JCAD: variants seen among roughly 807,000 people sequenced by gnomAD.
The protein encoded by JCAD is junctional cadherin 5-associated protein.
JCAD carries 40 observed loss-of-function variants against 98.0 expected under a neutral mutation model. That is an observed-to-expected ratio of 0.41 (90% confidence interval 0.32 to 0.53). JCAD has a LOEUF of 0.53. Ranked by LOEUF, JCAD falls within the 20% of genes least tolerant of loss-of-function variation. The pLI, the probability that JCAD is intolerant of heterozygous loss-of-function variation, is 0.31. For synonymous variants in JCAD, 691 were observed against 682.3 expected (o/e 1.01, Z -0.20); for missense variants, 1,705 against 1,738.1 (o/e 0.98, Z 0.34).
At chr10:30,111,467 T>C (rs12266240) in intron 1 of JCAD, among the ~76,000 whole-genome samples, 12,504 of 152,192 alleles carry the variant, frequency 0.082, 628 homozygotes, top group African/African-American at 0.13. Flanking sequence ...ACATATTGAG[T>C]TCCCACAGTG....
chr10:30,039,347 G>A (rs1837192900), intron 2 of JCAD, among the ~76,000 whole-genome samples: 1 of 152,228 alleles, frequency 6.6e-6, no homozygotes, highest in Non-Finnish European at 1.5e-5. Context: ...ACTGCACGCA[G>A]GGCAGACACT....
intron 1 of JCAD, among the ~76,000 whole-genome samples, chr10:30,082,875 A>C (rs1391866865): frequency 7.3e-4 from 107 of 146,088 alleles, no homozygotes; most frequent in African/African-American, 2.5e-3. Flanking sequence ...AAAAAAAAAA[A>C]AACAAAAAAT....
intron 3 of JCAD, among the ~76,000 whole-genome samples, chr10:30,025,716 C>T (rs188444089): frequency 1.4e-3 from 205 of 151,736 alleles, no homozygotes; most frequent in African/African-American, 4.5e-3. Flanking sequence ...AGTGGGATCT[C>T]GTCTCTATAA....
At chr10:30,068,390 CAAAAAAA>C (rs34060997) in intron 2 of JCAD, among the ~76,000 whole-genome samples, 33 of 48,196 alleles carry the variant, frequency 6.8e-4, no homozygotes, top group African/African-American at 2.0e-3. Context: ...AACTCTGTCT[CAAAAAAA>C]AAAAAAAAAA....
chr10:30,035,150 G>C (rs951111526), intron 2 of JCAD, among the ~76,000 whole-genome samples: 1 of 152,206 alleles, frequency 6.6e-6, no homozygotes, highest in South Asian at 2.1e-4. Context: ...TCAGAAGACA[G>C]ATAAAAAATG....
chr10:30,084,216 GAAGGAAGA>G (rs1445933222), intron 1 of JCAD, among the ~76,000 whole-genome samples: 1 of 151,634 alleles, frequency 6.6e-6, no homozygotes, highest in Non-Finnish European at 1.5e-5. Flanking sequence ...GAAAGGGAAG[GAAGGAAGA>G]AAGGAAGAAA....
At chr10:30,095,955 T>C (rs1838360315) in intron 1 of JCAD, among the ~76,000 whole-genome samples, 1 of 152,224 alleles carries the variant, frequency 6.6e-6, no homozygotes, top group African/African-American at 2.4e-5. Flanking sequence ...TGTTTTTCAG[T>C]AAGGCGGAAC....
In JCAD at chr10:30,027,865, G is replaced by T. The variant is rs759247464; in HGVS notation, c.2283C>A (p.Asn761Lys). Residue 761 changes from asparagine to lysine, a missense_variant, in exon 3 of 4, where the codon AAC becomes AAA. By Grantham distance (94) the Asn-to-Lys change is moderately conservative. This residue lies in a region of JCAD where 1,278 missense variants were observed against 1,243.1 expected (regional missense o/e 1.03). Transcript: ENST00000375377. ...ACAAGGAAGTCCTTGAGAACGCACTGTTGCTGGATGGGCTGAGGGACCTGT... is the reference window on the plus strand; with the variant it reads ...ACAAGGAAGTCCTTGAGAACGCACTTTTGCTGGATGGGCTGAGGGACCTGT... ...KGHRSLSPSS[N>K]SAFSRTSLSV... 3.1e-6 allele frequency: 5 copies of T among 1,614,160 alleles called. No individual in the cohort carries two copies. The highest frequency in any genetic ancestry group is 1.7e-5 in the Admixed American group (1 of 60,012).
chr10:30,024,688 A>ATTTTT (rs35394945), intron 3 of JCAD, among the ~76,000 whole-genome samples: 18 of 100,682 alleles, frequency 1.8e-4, no homozygotes, highest in Non-Finnish European at 2.2e-4. Flanking sequence ...GCCCATGTAC[A>ATTTTT]TTTTTTTTTT....
intron 1 of JCAD, among the ~76,000 whole-genome samples, chr10:30,106,979 A>T (rs1022431223): frequency 6.6e-6 from 1 of 152,158 alleles, no homozygotes; most frequent in Non-Finnish European, 1.5e-5. Flanking sequence ...CTTTCTGTGC[A>T]TTTCTCTTCT....
intron 2 of JCAD, among the ~76,000 whole-genome samples, chr10:30,030,367 G>A (rs563804593): frequency 1.2e-3 from 177 of 152,312 alleles, no homozygotes; most frequent in African/African-American, 4.1e-3. Context: ...CTTGAGCCCA[G>A]GAGTTCGAGG....
chr10:30,063,154 A>AG (rs1837727981), upstream of JCAD, among the ~76,000 whole-genome samples: 1 of 140,914 alleles, frequency 7.1e-6, no homozygotes, highest in African/African-American at 3.1e-5. Flanking sequence ...AAACACAGGA[A>AG]AAAAAAAAAA....
At chr10:30,077,847 G>A (rs147946650) in intron 1 of JCAD, among the ~76,000 whole-genome samples, 26 of 152,316 alleles carry the variant, frequency 1.7e-4, no homozygotes, top group Admixed American at 7.2e-4. Flanking sequence ...ACCTTTGGCC[G>A]TTGTGAATAA....
At chr10:30,053,956 G>A (rs1837519061) in intron 1 of JCAD, among the ~76,000 whole-genome samples, 1 of 152,116 alleles carries the variant, frequency 6.6e-6, no homozygotes, top group Admixed American at 6.5e-5. Context: ...CAGCTACTCA[G>A]GAGGCTGAGG....
At chr10:30,051,280 G>GCATGCA (rs1323572626) in intron 1 of JCAD, among the ~76,000 whole-genome samples, 105 of 78,964 alleles carry the variant, frequency 1.3e-3, no homozygotes, top group African/African-American at 3.7e-3. Flanking sequence ...ACGCACACAC[G>GCATGCA]CACGCACACA....
chr10:30,048,067 G>T lies in JCAD; in HGVS notation c.-59-196C>A, dbSNP rs368208699. 3.5e-4 allele frequency among the ~76,000 whole-genome samples: 53 copies of T among 152,306 alleles called. No homozygotes were observed. In the East Asian group the frequency reaches 5.0e-3, roughly 14 times the overall value. The stretch of plus-strand genomic sequence containing the variant: ...TCTATTCACCTAGAAAGTGGGTGTG[G>T]CTCTGACTCTAAATGATGTGGTGGA... On this transcript the variant is annotated intron_variant, in intron 1 of 3. Transcript: ENST00000375377.
At chr10:30,090,715 G>A (rs1178898217) in intron 1 of JCAD, among the ~76,000 whole-genome samples, 1 of 152,164 alleles carries the variant, frequency 6.6e-6, no homozygotes, top group Non-Finnish European at 1.5e-5. Context: ...CCAAATCACT[G>A]TAGGGAACGT....
chr10:30,030,202 G>C (rs1467634727), intron 2 of JCAD, among the ~76,000 whole-genome samples: 1 of 152,196 alleles, frequency 6.6e-6, no homozygotes, highest in Non-Finnish European at 1.5e-5. Flanking sequence ...CCAACACGTT[G>C]GGAGGCCAAG....
chr10:30,096,902 T>A (rs1838377908), intron 1 of JCAD, among the ~76,000 whole-genome samples: 1 of 152,236 alleles, frequency 6.6e-6, no homozygotes. Flanking sequence ...TCTGAGCATT[T>A]CTTCAATAGC....
Sources: allele counts gnomAD v4.1 joint callset (sites outside exome capture counted in the v4.1 genomes callset), GRCh38; gene constraint gnomAD v4.1.1; regional missense constraint gnomAD v4.1.1; transcripts MANE v1.5; gene names NCBI Gene and HGNC (gene_info 2026-07-23, HGNC 2026-07-21).